NSUN4: variants seen among roughly 807,000 people sequenced by gnomAD.
NSUN4 encodes the protein NOP2/Sun RNA methyltransferase 4, also known as 5-cytosine rRNA methyltransferase NSUN4.
NSUN4 carries 31 observed loss-of-function variants against 43.8 expected under a neutral mutation model. The observed-to-expected ratio is 0.71, with a 90% CI of 0.53 to 0.96. The LOEUF is 0.96. Ranked by LOEUF, NSUN4 falls within the 40% of genes least tolerant of loss-of-function variation. The pLI is 0.00. For missense variants in NSUN4, 439 were observed against 475.6 expected, an observed-to-expected ratio of 0.92 and a Z score of 0.72; for synonymous variants, 167 against 184.1, an observed-to-expected ratio of 0.91 and a Z score of 0.75.
the NSUN4 span, among the ~76,000 whole-genome samples, chr1:46,374,987 C>T: frequency 6.6e-6 from 1 of 151,846 alleles, no homozygotes; most frequent in African/African-American, 2.4e-5. Context: ...ATTCGTATTT[C>T]AAAACAATAT....
the NSUN4 span, among the ~76,000 whole-genome samples, chr1:46,378,262 A>C: frequency 6.7e-6 from 1 of 150,186 alleles, no homozygotes; most frequent in Non-Finnish European, 1.5e-5. Context: ...CAGTGGTGCA[A>C]TCTTGGCTCA....
Position 46,345,040 on chromosome 1 carries a change from G to T in NSUN4, c.333G>T (p.Glu111Asp). The T allele has an allele frequency of 6.2e-7, 1 of 1,614,202 alleles. No individual in the cohort carries two copies. The highest frequency in any genetic ancestry group is 2.2e-5 in the East Asian group (1 of 44,888). Residue 111 changes from glutamate to aspartate, a missense_variant, in exon 2 of 6, where the codon GAG becomes GAT. By Grantham distance (45) the Glu-to-Asp change is conservative (BLOSUM62 2). Transcript: ENST00000474844. ...EAISHWELQS[E>D]GGQSAAPSPA... The stretch of plus-strand genomic sequence containing the variant: ...TCTCCCACTGGGAACTGCAGTCTGA[G>T]GGTGGCCAATCTGCAGCCCCATCCC...
rs369313619 is a variant in NSUN4, at chr1:46,343,237, C to T, written c.94-1564C>T. 5 of 399,610 alleles carry T rather than the reference C, an allele frequency of 1.3e-5. 1 individual carries two copies. Among genetic ancestry groups the T allele is most frequent in the African/African-American group, 8.2e-5 (4 of 48,678 alleles). 24.8% of individuals were successfully genotyped at this position (399,610 alleles called of 1,614,324 possible). A position where few individuals can be genotyped will look rare whatever the true frequency, so the allele number is the denominator to read the frequency against. On this transcript the variant is annotated intron_variant, in intron 1 of 5. Coordinates refer to ENST00000474844, the MANE Select transcript of NSUN4 (RefSeq NM_199044.4). Reference sequence around the variant, plus strand: ...GACACCTATAGCACTCCCAGGGGCCCACCCCAACCTCGTTGTCAGCCTGTG... The same window carrying T: ...GACACCTATAGCACTCCCAGGGGCCTACCCCAACCTCGTTGTCAGCCTGTG...
At chr1:46,379,737 T>C in the NSUN4 span, among the ~76,000 whole-genome samples, 7 of 152,222 alleles carry the variant, frequency 4.6e-5, no homozygotes. Context: ...GTCAAGGCAC[T>C]GGCAGATTTG....
the NSUN4 span, among the ~76,000 whole-genome samples, chr1:46,377,695 A>C: frequency 6.6e-6 from 1 of 152,200 alleles, no homozygotes; most frequent in Non-Finnish European, 1.5e-5. Flanking sequence ...TTTTAGTCAC[A>C]CTTTTATTTT....
chr1:46,377,250 A>G, the NSUN4 span, among the ~76,000 whole-genome samples: 6 of 152,226 alleles, frequency 3.9e-5, no homozygotes, highest in East Asian at 1.2e-3. Flanking sequence ...GGGTTTCACC[A>G]TGTTGGCCAG....
intron 1 of NSUN4, chr1:46,341,619 A>C: frequency 6.7e-6 from 8 of 1,194,310 alleles, no homozygotes; most frequent in East Asian, 3.5e-5. Flanking sequence ...ACCCCAGCCG[A>C]TTCCCTCGCC....
At chr1:46,356,724 T>C (rs1391302028) in intron 4 of NSUN4, among the ~76,000 whole-genome samples, 1 of 151,722 alleles carries the variant, frequency 6.6e-6, no homozygotes, top group African/African-American at 2.4e-5. Context: ...AGAAGAATAC[T>C]ACTTCAGGGC....
Position 46,354,779 on chromosome 1 carries a change from C to T in NSUN4, c.753+1751C>T, listed in dbSNP as rs370610028. 4.9e-4 allele frequency among the ~76,000 whole-genome samples: 75 copies of T among 152,242 alleles called. 1 individual carries two copies. The South Asian group carries it at 0.015, about 30-fold the overall frequency. On this transcript the variant is annotated intron_variant, in intron 4 of 5. Coordinates refer to ENST00000474844, the MANE Select transcript of NSUN4 (RefSeq NM_199044.4). ...AAGCCTGGGTTCAAAGTTCGATTCT[C>T]TTGCCTCAGCCTCCCAGGCAGCTGG...
the NSUN4 span, among the ~76,000 whole-genome samples, chr1:46,381,042 G>C: frequency 6.6e-6 from 1 of 152,044 alleles, no homozygotes; most frequent in Admixed American, 6.6e-5. Flanking sequence ...CACACAACAA[G>C]GATGGGTTAC....
intron 4 of NSUN4, among the ~76,000 whole-genome samples, chr1:46,355,301 T>C (rs1367779009): frequency 1.3e-5 from 2 of 152,196 alleles, no homozygotes; most frequent in Non-Finnish European, 2.9e-5. Flanking sequence ...GTTGAACACT[T>C]ACAATGTTAG....
chr1:46,347,410 C>T (rs1662593899), intron 3 of NSUN4, among the ~76,000 whole-genome samples: 1 of 152,182 alleles, frequency 6.6e-6, no homozygotes, highest in Non-Finnish European at 1.5e-5. Flanking sequence ...TGCACTCCAG[C>T]CTTGGCGACA....
At chr1:46,347,107 A>T in intron 3 of NSUN4, 32 bp downstream of exon 3, 1 of 1,603,464 alleles carries the variant, frequency 6.2e-7, no homozygotes, top group Non-Finnish European at 8.5e-7. Flanking sequence ...TTGGGCAGAG[A>T]GAGCTCCCCA....
chr1:46,368,627 A>G (rs1664189723), downstream of NSUN4, among the ~76,000 whole-genome samples: 1 of 152,220 alleles, frequency 6.6e-6, no homozygotes. Context: ...AGAATCATGA[A>G]CAAATAAAGT....
the NSUN4 span, among the ~76,000 whole-genome samples, chr1:46,377,576 G>A: frequency 6.6e-6 from 1 of 152,214 alleles, no homozygotes; most frequent in Non-Finnish European, 1.5e-5. Context: ...TGGCAGACAA[G>A]CTGACTCAAC....
At chr1:46,353,721 C>T (rs1159111317) in intron 4 of NSUN4, among the ~76,000 whole-genome samples, 1 of 152,126 alleles carries the variant, frequency 6.6e-6, no homozygotes, top group African/African-American at 2.4e-5. Context: ...TCGTGATCCA[C>T]CCGCCTCGGC....
the NSUN4 span, among the ~76,000 whole-genome samples, chr1:46,375,105 AC>A: frequency 6.6e-6 from 1 of 152,158 alleles, no homozygotes; most frequent in Non-Finnish European, 1.5e-5. Context: ...TAAACCCCTG[AC>A]TAAACTGACC....
intron 4 of NSUN4, among the ~76,000 whole-genome samples, chr1:46,354,236 A>G (rs1358206506): frequency 1.3e-5 from 2 of 151,580 alleles, no homozygotes; most frequent in Admixed American, 6.6e-5. Flanking sequence ...TTTCCCGAGT[A>G]GCTGGGACTA....
intron 1 of NSUN4, chr1:46,341,969 G>A (rs1206261442): frequency 1.6e-6 from 2 of 1,232,532 alleles, no homozygotes; most frequent in Non-Finnish European, 2.0e-6. Context: ...ATCAGTCCCC[G>A]GGAACGAGCC....
Sources: gnomAD v4.1 joint callset for allele counts (sites outside exome capture counted in the v4.1 genomes callset) on GRCh38, gnomAD v4.1.1 for gene constraint, MANE v1.5 for transcripts, NCBI Gene and HGNC (gene_info 2026-07-23, HGNC 2026-07-21) for gene names.